ELP3: variants seen among roughly 807,000 people sequenced by gnomAD.
ELP3 encodes the protein elongator acetyltransferase complex subunit 3, also known as elongator complex protein 3.
Under a neutral mutation model 74.9 loss-of-function variants are expected in ELP3, and 56 were observed. The observed-to-expected ratio is 0.75, with a 90% CI of 0.60 to 0.93. ELP3 has a LOEUF of 0.93. Among genes scored for constraint, ELP3 ranks in the 40% least tolerant of loss-of-function variants. The pLI, the probability that ELP3 is intolerant of heterozygous loss-of-function variation, is 0.00. For missense variants in ELP3, 573 were observed against 686.5 expected, an observed-to-expected ratio of 0.83 and a Z score of 1.85; for synonymous variants, 222 against 239.8, an observed-to-expected ratio of 0.93 and a Z score of 0.68.
intron 14 of ELP3, among the ~76,000 whole-genome samples, chr8:28,172,692 A>ACCTTATC (rs1814578420): frequency 6.6e-6 from 1 of 152,016 alleles, no homozygotes; most frequent in Non-Finnish European, 1.5e-5. Flanking sequence ...TGTGGTGAAA[A>ACCTTATC]TGGGCAACCT....
chr8:28,189,875 G>A lies in ELP3; in HGVS notation c.*150G>A. 1 of 766,182 alleles carries A rather than the reference G, an allele frequency of 1.3e-6. No individual in the cohort carries two copies. The allele number at this position is 766,182 out of a possible 1,614,324, so 47.5% of individuals were successfully genotyped here. Reference sequence around the variant, plus strand: ...TGCAGAGACTGGAAACTGCCTTCAAGGCCACGGCTGGTCATCTGCTGACCA... The same window carrying A: ...TGCAGAGACTGGAAACTGCCTTCAAAGCCACGGCTGGTCATCTGCTGACCA... On this transcript the variant is annotated 3_prime_UTR_variant, in exon 15 of 15. Transcript: ENST00000256398.
intron 7 of ELP3, among the ~76,000 whole-genome samples, chr8:28,116,172 T>G (rs1022858923): frequency 1.3e-5 from 2 of 152,102 alleles, no homozygotes; most frequent in Non-Finnish European, 2.9e-5. Flanking sequence ...CCCCTTAACT[T>G]CCTTTGTTCT....
In ELP3 at chr8:28,178,456, C is replaced by G. The variant is rs528439178; in HGVS notation, c.1568-11193C>G. 5.3e-5 allele frequency among the ~76,000 whole-genome samples: 8 copies of G among 152,246 alleles called. No individual in the cohort carries two copies. In the East Asian group the frequency reaches 1.5e-3, roughly 29 times the overall value. ...AGTTTTGTTGTTGCATATTTTTGTT[C>G]TGGTTACTTTTGCTCAACATTGCTG... On this transcript the variant is annotated intron_variant, in intron 14 of 14. Transcript: ENST00000256398.
chr8:28,162,198 G>A, intron 14 of ELP3, 120 bp downstream of exon 14: 1 of 998,974 alleles, frequency 1.0e-6, no homozygotes, highest in Admixed American at 2.2e-5. Flanking sequence ...ATTGAGCTGA[G>A]CTGACTGGCG....
intron 14 of ELP3, among the ~76,000 whole-genome samples, chr8:28,168,089 T>G (rs1435507310): frequency 6.6e-6 from 1 of 152,238 alleles, no homozygotes. Flanking sequence ...ACTTGACATT[T>G]ACTCATTTGA....
chr8:28,105,346 C>T (rs199996903), intron 3 of ELP3, among the ~76,000 whole-genome samples: 7 of 152,252 alleles, frequency 4.6e-5, no homozygotes, highest in East Asian at 1.9e-4. Flanking sequence ...GCCAAGATCA[C>T]GCCATTGCAC....
intron 11 of ELP3, among the ~76,000 whole-genome samples, chr8:28,157,040 C>CCAAGAAGGCCACTGACCTT (rs1472697925): frequency 6.6e-6 from 1 of 152,174 alleles, no homozygotes; most frequent in African/African-American, 2.4e-5. Flanking sequence ...CCTCTCGCCT[C>CCAAGAAGGCCACTGACCTT]CAAGAAGGCC....
chr8:28,101,726 A>C (rs949808813), intron 3 of ELP3, among the ~76,000 whole-genome samples: 1 of 151,910 alleles, frequency 6.6e-6, no homozygotes, highest in Non-Finnish European at 1.5e-5. Flanking sequence ...AGGAGCTGGG[A>C]TTACAGGCAT....
chr8:28,158,522 A>G (rs2130544104), intron 11 of ELP3, 46 bp from the exon 12 acceptor site: 1 of 1,173,164 alleles, frequency 8.5e-7, no homozygotes, highest in Non-Finnish European at 1.3e-6. Flanking sequence ...TTATATTTGT[A>G]CCCCTCCCAC....
At chr8:28,093,423 C>T (rs1811124920) in intron 1 of ELP3, 190 bp downstream of exon 1, 1 of 680,804 alleles carries the variant, frequency 1.5e-6, no homozygotes, top group Admixed American at 2.9e-5. Flanking sequence ...TTTGAAGCAC[C>T]CTACCCTTCC....
Position 28,106,517 on chromosome 8 carries a change from G to A in ELP3, c.259-196G>A, listed in dbSNP as rs557383202. Among the ~76,000 whole-genome samples the A allele has an allele frequency of 5.2e-3, 745 of 142,530 alleles. 5 individuals are homozygous for A. The highest frequency in any genetic ancestry group is 0.018 in the African/African-American group (692 of 37,474). The allele number at this position is 142,530 out of a possible 152,430, so 93.5% of individuals were successfully genotyped here. A position where few individuals can be genotyped will look rare whatever the true frequency, so the allele number is the denominator to read the frequency against. ...ATCCCGCCACTGCACTCCAGCCTGG[G>A]CGACAGAGCGAGACTCCGTCTCAAA... On this transcript the variant is annotated intron_variant, in intron 3 of 14. Coordinates refer to ENST00000256398, the MANE Select transcript of ELP3 (RefSeq NM_018091.6).
intron 4 of ELP3, 107 bp downstream of exon 4, chr8:28,106,890 A>C (rs1811718668): frequency 9.0e-6 from 7 of 778,156 alleles, no homozygotes; most frequent in African/African-American, 3.5e-5. Context: ...ACTTCAGCTT[A>C]ATAGATTTAT....
intron 7 of ELP3, among the ~76,000 whole-genome samples, chr8:28,117,787 A>T (rs1812197251): frequency 6.6e-6 from 1 of 152,106 alleles, no homozygotes; most frequent in Non-Finnish European, 1.5e-5. Flanking sequence ...GTAAAGTTTT[A>T]CTACAAACCC....
chr8:28,123,038 C>T (rs934180115), intron 7 of ELP3, among the ~76,000 whole-genome samples: 1 of 152,148 alleles, frequency 6.6e-6, no homozygotes, highest in Admixed American at 6.5e-5. Context: ...GCAGGAGAAT[C>T]GCTTGAACCT....
chr8:28,161,951 ACTTC>A (rs569904139), intron 13 of ELP3, 42 bp from the exon 14 acceptor site: 32 of 1,594,796 alleles, frequency 2.0e-5, no homozygotes, highest in Non-Finnish European at 2.5e-5. Flanking sequence ...CTCTTAATGA[ACTTC>A]CTTCCTTTTT....
At chr8:28,161,867 C>A in intron 13 of ELP3, 130 bp from the exon 14 acceptor site, 1 of 741,016 alleles carries the variant, frequency 1.3e-6, no homozygotes, top group Non-Finnish European at 2.2e-6. Flanking sequence ...TCCTTACTCC[C>A]ATAAGTGGGC....
chr8:28,176,036 C>T (rs1016601254), intron 14 of ELP3, among the ~76,000 whole-genome samples: 1 of 151,880 alleles, frequency 6.6e-6, no homozygotes, highest in Non-Finnish European at 1.5e-5. Flanking sequence ...AAGCTAGTCT[C>T]GAACTCCTGA....
intron 8 of ELP3, among the ~76,000 whole-genome samples, chr8:28,130,356 C>T (rs4732825): frequency 0.076 from 11,509 of 151,948 alleles, 842 homozygotes; most frequent in East Asian, 0.33. Flanking sequence ...GTTAAAGGCC[C>T]CTTTATTCTG....
intron 7 of ELP3, among the ~76,000 whole-genome samples, chr8:28,115,616 T>A (rs1812098427): frequency 6.6e-6 from 1 of 152,192 alleles, no homozygotes; most frequent in African/African-American, 2.4e-5. Flanking sequence ...GTGTTCAGAT[T>A]ATCTCTGTTT....
Sources: gnomAD v4.1 joint callset for allele counts (sites outside exome capture counted in the v4.1 genomes callset) on GRCh38, gnomAD v4.1.1 for gene constraint, MANE v1.5 for transcripts, NCBI Gene and HGNC (gene_info 2026-07-23, HGNC 2026-07-21) for gene names.